SYT17: variants seen among roughly 807,000 people sequenced by gnomAD.
The protein encoded by SYT17 is synaptotagmin-17.
Under a neutral mutation model 46.7 loss-of-function variants are expected in SYT17, and 22 were observed. The ratio of observed to expected loss-of-function variants is 0.47; its 90% CI spans 0.34 to 0.67. The LOEUF (loss-of-function observed/expected upper bound fraction) is 0.67. Ranked by LOEUF, SYT17 falls within the 30% of genes least tolerant of loss-of-function variation. The pLI is 0.01. For synonymous variants in SYT17, 251 were observed against 248.4 expected (o/e 1.01, Z -0.10); for missense variants, 519 against 612.8 (o/e 0.85, Z 1.62).
intron 4 of SYT17, among the ~76,000 whole-genome samples, chr16:19,181,695 C>A (rs1433049325): frequency 8.7e-6 from 1 of 115,016 alleles, no homozygotes; most frequent in African/African-American, 3.9e-5. Context: ...ACTTTCAGGA[C>A]AGTGAGGAAA....
intron 5 of SYT17, among the ~76,000 whole-genome samples, chr16:19,221,229 T>C (rs1966307890): frequency 6.9e-6 from 1 of 145,086 alleles, no homozygotes; most frequent in African/African-American, 2.5e-5. Flanking sequence ...GAATGAGGAA[T>C]CTGACCAAAC....
chr16:19,193,558 G>A lies in SYT17; in HGVS notation c.951+9411G>A, dbSNP rs1398808346. Among the ~76,000 whole-genome samples, 14 of 152,200 alleles carry A rather than the reference G, an allele frequency of 9.2e-5. No individual in the cohort carries two copies. The East Asian group carries it at 2.5e-3, about 27-fold the overall frequency. The stretch of plus-strand genomic sequence containing the variant: ...GTCTGTGCGTGTGGCCACTAACTAA[G>A]CTGTCTTCTCCAGTGTCTGCTGACA... On this transcript the variant is annotated intron_variant, in intron 5 of 7. Transcript: ENST00000355377.
chr16:19,213,709 G>A (rs965002324), intron 5 of SYT17, among the ~76,000 whole-genome samples: 2 of 152,106 alleles, frequency 1.3e-5, no homozygotes, highest in South Asian at 2.1e-4. Flanking sequence ...GTTTAGAAAT[G>A]GAAGGTGGGA....
In SYT17 at chr16:19,235,419, G is replaced by C. The variant is rs376642240; in HGVS notation, c.1228+10581G>C. 2.0e-5 allele frequency among the ~76,000 whole-genome samples: 3 copies of C among 152,144 alleles called. No individual in the cohort carries two copies. The South Asian group carries it at 6.2e-4, about 31-fold the overall frequency. ...ATAACAGCAAACAGAAGGCAGGATA[G>C]AACTTGTAGCCTGAACTTTTCCATG... On this transcript the variant is annotated intron_variant, in intron 7 of 7. Coordinates refer to ENST00000355377, the MANE Select transcript of SYT17 (RefSeq NM_016524.4).
intron 5 of SYT17, among the ~76,000 whole-genome samples, chr16:19,188,655 G>A (rs1483210100): frequency 1.3e-5 from 2 of 152,052 alleles, no homozygotes; most frequent in Non-Finnish European, 2.9e-5. Context: ...TACAAATTGA[G>A]TGGCTTAAAG....
chr16:19,194,583 C>T (rs540761980), intron 5 of SYT17, among the ~76,000 whole-genome samples: 5 of 152,214 alleles, frequency 3.3e-5, no homozygotes, highest in South Asian at 2.1e-4. Flanking sequence ...GTTGTTATTT[C>T]GTGTTGGTAT....
At chr16:19,245,650 T>C (rs549989104) in intron 7 of SYT17, among the ~76,000 whole-genome samples, 17 of 152,330 alleles carry the variant, frequency 1.1e-4, no homozygotes, top group African/African-American at 4.1e-4. Flanking sequence ...CGCTCATCTG[T>C]GCAGATTTTT....
chr16:19,234,679 C>A (rs536300684), intron 7 of SYT17, among the ~76,000 whole-genome samples: 2 of 152,276 alleles, frequency 1.3e-5, no homozygotes, highest in South Asian at 4.1e-4. Context: ...AAGCAAGTGA[C>A]ACTGCCTCTC....
At chr16:19,172,685 C>T (rs575773239) in intron 1 of SYT17, 75 bp from the exon 2 acceptor site, 2 of 1,577,812 alleles carry the variant, frequency 1.3e-6, no homozygotes, top group South Asian at 1.2e-5. Context: ...TATTGCTAAA[C>T]TGGTCTTGTC....
intron 7 of SYT17, among the ~76,000 whole-genome samples, chr16:19,244,425 C>T (rs1967375102): frequency 6.6e-6 from 1 of 152,134 alleles, no homozygotes; most frequent in Non-Finnish European, 1.5e-5. Flanking sequence ...CCTTGAACTC[C>T]TGGGCTCAAG....
intron 5 of SYT17, among the ~76,000 whole-genome samples, chr16:19,207,282 A>G (rs1475595230): frequency 1.3e-5 from 2 of 152,198 alleles, no homozygotes; most frequent in Non-Finnish European, 2.9e-5. Context: ...ACCCAGCCTC[A>G]GTTATTCTTC....
intron 5 of SYT17, among the ~76,000 whole-genome samples, chr16:19,199,161 T>C (rs1035948346): frequency 6.6e-6 from 1 of 152,174 alleles, no homozygotes; most frequent in East Asian, 1.9e-4. Flanking sequence ...GAGACTCTCA[T>C]CGTAGTGTAA....
chr16:19,224,830 T>TGTTTACAGGTAGGTA lies in SYT17; in HGVS notation c.1222_1228+8dup. On this transcript the variant is annotated stop_gained and inframe_insertion, in exon 7 of 8. Transcript: ENST00000355377. LOFTEE classifies it high-confidence loss of function. ...GAAGAACTGGAAAATGCCAGCCTAG[T>TGTTTACAGGTAGGTA]GTTTACAGGTAGGTAGCATTCCAAA... is the stretch of plus-strand genomic sequence containing the variant. 1 of 1,614,030 alleles carries TGTTTACAGGTAGGTA rather than the reference T, an allele frequency of 6.2e-7. No individual in the cohort carries two copies. The highest frequency in any genetic ancestry group is 2.2e-5 in the East Asian group (1 of 44,882).
chr16:19,232,149 C>T (rs763825561), intron 7 of SYT17, among the ~76,000 whole-genome samples: 2 of 152,170 alleles, frequency 1.3e-5, no homozygotes, highest in African/African-American at 4.8e-5. Flanking sequence ...GACCCCCACA[C>T]CCTGCTGCCT....
intron 3 of SYT17, among the ~76,000 whole-genome samples, chr16:19,173,868 A>T (rs567582270): frequency 6.6e-6 from 1 of 152,286 alleles, no homozygotes; most frequent in African/African-American, 2.4e-5. Flanking sequence ...GGGCGTTTTT[A>T]GTCACGTGGA....
intron 7 of SYT17, among the ~76,000 whole-genome samples, chr16:19,245,301 G>A (rs1480780499): frequency 2.0e-5 from 3 of 152,116 alleles, no homozygotes; most frequent in African/African-American, 4.8e-5. Flanking sequence ...GTGGGTAGTG[G>A]CCAGGGGTGC....
intron 5 of SYT17, among the ~76,000 whole-genome samples, chr16:19,202,646 A>T (rs1360975042): frequency 6.6e-6 from 1 of 152,136 alleles, no homozygotes; most frequent in Non-Finnish European, 1.5e-5. Context: ...TCATGCTTTG[A>T]TCTTTCTGAA....
At chr16:19,260,959 A>T (rs1968934219) in intron 7 of SYT17, among the ~76,000 whole-genome samples, 1 of 152,132 alleles carries the variant, frequency 6.6e-6, no homozygotes, top group Non-Finnish European at 1.5e-5. Context: ...GGGCTGGGTT[A>T]TCTGACCCAC....
intron 5 of SYT17, among the ~76,000 whole-genome samples, chr16:19,188,545 AAG>A (rs1342162523): frequency 6.6e-6 from 1 of 151,590 alleles, no homozygotes. Flanking sequence ...AAAAGAAAGA[AAG>A]AAACAAGCTG....
Sources: allele counts gnomAD v4.1 joint callset (sites outside exome capture counted in the v4.1 genomes callset), GRCh38; gene constraint gnomAD v4.1.1; transcripts MANE v1.5; gene names NCBI Gene and HGNC (gene_info 2026-07-23, HGNC 2026-07-21).